The following LDLRAD3 variants were observed in gnomAD, a reference collection of about 807,000 sequenced individuals.
LDLRAD3 encodes the protein low density lipoprotein receptor class A domain containing 3.
A neutral mutation model predicts 29.4 loss-of-function variants in LDLRAD3; 20 were observed. The ratio of observed to expected loss-of-function variants is 0.68; its 90% CI spans 0.48 to 0.99. The LOEUF (loss-of-function observed/expected upper bound fraction) is 0.99, where lower values mean the gene tolerates loss of function less well. Among genes scored for constraint, LDLRAD3 ranks in the 50% least tolerant of loss-of-function variants. The pLI is 0.00. For missense variants in LDLRAD3, 420 were observed against 454.3 expected, an observed-to-expected ratio of 0.92 and a Z score of 0.69; for synonymous variants, 157 against 192.7, an observed-to-expected ratio of 0.81 and a Z score of 1.53.
At position 36,081,854 on chromosome 11, in the gene LDLRAD3, C is replaced by T. The variant is rs1853121066; in HGVS notation, c.319+76C>T. 2.6e-6 allele frequency: 4 copies of T among 1,558,772 alleles called. No homozygotes were observed. The South Asian group carries it at 4.6e-5, about 18-fold the overall frequency. On this transcript the variant is annotated intron_variant, in intron 3 of 5. Coordinates refer to ENST00000315571, the MANE Select transcript of LDLRAD3 (RefSeq NM_174902.4). ...CAAACTTGTCCACATTGGTCACCCT[C>T]ATCATGTGCTTCTTATACCTAGAGG... is the stretch of plus-strand genomic sequence containing the variant.
intron 4 of LDLRAD3, among the ~76,000 whole-genome samples, chr11:36,123,181 C>T (rs867605575): frequency 9.9e-5 from 15 of 151,838 alleles, no homozygotes; most frequent in African/African-American, 3.2e-4. Context: ...AGCGAGACTC[C>T]GTCTCAAAAT....
chr11:36,020,054 A>T (rs1018068140), intron 1 of LDLRAD3, among the ~76,000 whole-genome samples: 4 of 152,160 alleles, frequency 2.6e-5, no homozygotes, highest in Non-Finnish European at 5.9e-5. Context: ...CTGACAGCAC[A>T]TGTTATCACA....
At chr11:36,089,207 C>T (rs1853240664) in intron 3 of LDLRAD3, among the ~76,000 whole-genome samples, 1 of 152,172 alleles carries the variant, frequency 6.6e-6, no homozygotes, top group African/African-American at 2.4e-5. Flanking sequence ...TGAGCACTTA[C>T]CTTGTGTATG....
intron 1 of LDLRAD3, among the ~76,000 whole-genome samples, chr11:35,971,519 A>G (rs1287031981): frequency 1.3e-5 from 2 of 152,214 alleles, no homozygotes; most frequent in Admixed American, 1.3e-4. Flanking sequence ...AGGCATGCAC[A>G]TACACAGAGG....
chr11:36,182,375 C>T (rs557905477), intron 4 of LDLRAD3, among the ~76,000 whole-genome samples: 1 of 152,056 alleles, frequency 6.6e-6, no homozygotes, highest in East Asian at 1.9e-4. Context: ...TCCCCTCCAC[C>T]TGCCCCCGCA....
At chr11:36,073,305 CT>C (rs1218896436) in intron 2 of LDLRAD3, among the ~76,000 whole-genome samples, 1 of 152,218 alleles carries the variant, frequency 6.6e-6, no homozygotes, top group African/African-American at 2.4e-5. Flanking sequence ...AAAGCTGCCG[CT>C]TTGAAAAGTT....
intron 4 of LDLRAD3, among the ~76,000 whole-genome samples, chr11:36,145,472 T>C (rs368255783): frequency 1.4e-5 from 2 of 141,012 alleles, no homozygotes; most frequent in East Asian, 2.2e-4. Context: ...GTGAGGAGCC[T>C]CTCTGCCCGG....
intron 2 of LDLRAD3, among the ~76,000 whole-genome samples, chr11:36,054,018 C>T (rs1852568512): frequency 6.6e-6 from 1 of 152,162 alleles, no homozygotes; most frequent in African/African-American, 2.4e-5. Flanking sequence ...GTATAATCAT[C>T]CTCTGATGCA....
At chr11:36,095,872 G>A (rs995485689) in intron 3 of LDLRAD3, among the ~76,000 whole-genome samples, 1 of 152,206 alleles carries the variant, frequency 6.6e-6, no homozygotes, top group Non-Finnish European at 1.5e-5. Flanking sequence ...TGACCCACAA[G>A]GTCCTAGAGA....
intron 2 of LDLRAD3, among the ~76,000 whole-genome samples, chr11:36,055,415 GAT>G (rs1456251248): frequency 6.6e-6 from 1 of 152,074 alleles, no homozygotes; most frequent in African/African-American, 2.4e-5. Flanking sequence ...ATGGTATCCA[GAT>G]ATTTTGCTTG....
chr11:36,035,525 G>T (rs991338152), intron 1 of LDLRAD3, among the ~76,000 whole-genome samples: 5 of 152,162 alleles, frequency 3.3e-5, no homozygotes, highest in African/African-American at 1.2e-4. Flanking sequence ...CCTGCTGGAG[G>T]TTACAAATCC....
intron 4 of LDLRAD3, among the ~76,000 whole-genome samples, chr11:36,226,621 A>G (rs911034602): frequency 2.6e-5 from 4 of 152,208 alleles, no homozygotes; most frequent in African/African-American, 9.6e-5. Flanking sequence ...TGCAACCATC[A>G]CCATAAACCA....
intron 3 of LDLRAD3, among the ~76,000 whole-genome samples, chr11:36,095,525 A>C (rs1853347583): frequency 6.6e-6 from 1 of 151,522 alleles, no homozygotes; most frequent in African/African-American, 2.4e-5. Context: ...GATTTTTGAG[A>C]GTTCTTTATA....
chr11:35,995,491 A>G (rs1208203653), intron 1 of LDLRAD3, among the ~76,000 whole-genome samples: 3 of 152,228 alleles, frequency 2.0e-5, no homozygotes, highest in African/African-American at 7.2e-5. Context: ...CATAATTTTT[A>G]AAGGCTCCAG....
At chr11:35,980,329 A>G (rs1851524923) in intron 1 of LDLRAD3, among the ~76,000 whole-genome samples, 1 of 152,090 alleles carries the variant, frequency 6.6e-6, no homozygotes, top group African/African-American at 2.4e-5. Flanking sequence ...CTTTATTGGG[A>G]TGGGCGTTAT....
chr11:36,218,716 G>T (rs1470089217), intron 4 of LDLRAD3, among the ~76,000 whole-genome samples: 1 of 152,238 alleles, frequency 6.6e-6, no homozygotes, highest in Non-Finnish European at 1.5e-5. Context: ...TTCATCCAAA[G>T]AAATAATTGC....
At chr11:35,984,835 G>C (rs1225376741) in intron 1 of LDLRAD3, among the ~76,000 whole-genome samples, 2 of 151,924 alleles carry the variant, frequency 1.3e-5, no homozygotes, top group African/African-American at 4.8e-5. Flanking sequence ...TCTCCATGTT[G>C]GTCAGGCTGG....
At chr11:36,005,170 G>C (rs1851869158) in intron 1 of LDLRAD3, among the ~76,000 whole-genome samples, 1 of 152,214 alleles carries the variant, frequency 6.6e-6, no homozygotes, top group Non-Finnish European at 1.5e-5. Flanking sequence ...ACATGGCCGG[G>C]CTGCACATTT....
At chr11:36,048,020 G>A (rs576526249) in intron 2 of LDLRAD3, among the ~76,000 whole-genome samples, 1 of 126,670 alleles carries the variant, frequency 7.9e-6, no homozygotes, top group African/African-American at 3.2e-5. Flanking sequence ...TGCATAGCAG[G>A]CACTTAATAC....
Sources: allele counts gnomAD v4.1 joint callset (sites outside exome capture counted in the v4.1 genomes callset), GRCh38; gene constraint gnomAD v4.1.1; transcripts MANE v1.5; gene names NCBI Gene and HGNC (gene_info 2026-07-23, HGNC 2026-07-21).